GRAMD1C: variants seen among roughly 807,000 people sequenced by gnomAD.
GRAMD1C encodes GRAM domain containing 1C.
Under a neutral mutation model 97.8 loss-of-function variants are expected in GRAMD1C, and 89 were observed. The ratio of observed to expected loss-of-function variants is 0.91; its 90% CI spans 0.77 to 1.09. GRAMD1C has a LOEUF of 1.09. Among genes scored for constraint, GRAMD1C ranks in the 50% least tolerant of loss-of-function variants. GRAMD1C has a pLI of 0.00. For missense variants in GRAMD1C, 740 were observed against 766.4 expected (o/e 0.97, Z 0.41); for synonymous variants, 256 against 267.0 (o/e 0.96, Z 0.40).
At chr3:113,836,763 C>T (rs1250761554), upstream of GRAMD1C, among the ~76,000 whole-genome samples, 1 of 152,090 alleles carries the variant, frequency 6.6e-6, no homozygotes, top group African/African-American at 2.4e-5. Flanking sequence ...CCTGCCTCAG[C>T]CTCCCAAGTA....
At chr3:113,875,829 A>G (rs1408108780) in intron 4 of GRAMD1C, 9 of 403,840 alleles carry the variant, frequency 2.2e-5, no homozygotes, top group Admixed American at 8.2e-5. Flanking sequence ...AAGCTTGAAC[A>G]TATATCTTAA....
intron 8 of GRAMD1C, among the ~76,000 whole-genome samples, chr3:113,906,587 T>TA (rs1202511277): frequency 6.6e-6 from 1 of 152,018 alleles, no homozygotes; most frequent in African/African-American, 2.4e-5. Flanking sequence ...CAAAAAGTTT[T>TA]AAAAAAAAGT....
At chr3:113,835,030 A>G (rs1577108080), upstream of GRAMD1C, among the ~76,000 whole-genome samples, 1 of 151,692 alleles carries the variant, frequency 6.6e-6, no homozygotes. Context: ...TGGTTTTTCC[A>G]TATGTTTTTC....
Position 113,862,975 on chromosome 3 carries a change from A to C in GRAMD1C, c.175-6532A>C, listed in dbSNP as rs548836846. 1.1e-4 allele frequency among the ~76,000 whole-genome samples: 16 copies of C among 152,326 alleles called. No homozygotes were observed. In the South Asian group the frequency reaches 3.3e-3, roughly 32 times the overall value. On this transcript the variant is annotated intron_variant, in intron 2 of 17. Coordinates refer to ENST00000358160, the MANE Select transcript of GRAMD1C (RefSeq NM_017577.5). ...AGGATGTGGAGAAGTTAAAACTCTC[A>C]TACATTGCTGGTGGGAATGTAAAAT...
chr3:113,838,997 C>T (rs1004856074), intron 1 of GRAMD1C, 61 bp downstream of exon 1: 1 of 1,052,036 alleles, frequency 9.5e-7, no homozygotes, highest in Non-Finnish European at 1.2e-6. Context: ...CTTTTTCTCA[C>T]GGTGATTGCT....
intron 8 of GRAMD1C, among the ~76,000 whole-genome samples, 160 bp from the exon 9 acceptor site, chr3:113,908,798 A>G (rs1444136234): frequency 2.0e-5 from 3 of 152,220 alleles, no homozygotes; most frequent in African/African-American, 7.2e-5. Flanking sequence ...ACGGACCGAC[A>G]TTTAATAGCA....
chr3:113,926,888 G>C (rs552565356), intron 10 of GRAMD1C, among the ~76,000 whole-genome samples: 1 of 152,246 alleles, frequency 6.6e-6, no homozygotes, highest in East Asian at 1.9e-4. Flanking sequence ...GAAATATGTT[G>C]CACTGGAGGG....
At chr3:113,892,751 A>G (rs1935787195) in intron 6 of GRAMD1C, among the ~76,000 whole-genome samples, 2 of 152,118 alleles carry the variant, frequency 1.3e-5, no homozygotes, top group Admixed American at 1.3e-4. Context: ...TTTAATACAA[A>G]CAATTGATGT....
chr3:113,930,995 C>T (rs28736460), intron 11 of GRAMD1C, among the ~76,000 whole-genome samples, 163 bp downstream of exon 11: 12,074 of 152,210 alleles, frequency 0.079, 625 homozygotes, highest in Middle Eastern at 0.18. Flanking sequence ...GCATATGAAT[C>T]GTATCAACCC....
intron 3 of GRAMD1C, among the ~76,000 whole-genome samples, chr3:113,869,889 T>G (rs1160150520): frequency 6.6e-6 from 1 of 152,156 alleles, no homozygotes; most frequent in East Asian, 1.9e-4. Context: ...GAAATTGTGG[T>G]ACATAAATGC....
chr3:113,865,902 T>A (rs1934566266), intron 2 of GRAMD1C, among the ~76,000 whole-genome samples: 1 of 152,166 alleles, frequency 6.6e-6, no homozygotes, highest in Admixed American at 6.5e-5. Context: ...CTCCAGTCCT[T>A]GTGTTGTTGA....
At position 113,912,485 on chromosome 3, in the gene GRAMD1C, C is replaced by T. The variant is rs534585934; in HGVS notation, c.953-3216C>T. ...TTGGTTGAGCACGGTGGCTCATGCC[C>T]GTAATCCCAGTACTTGGAGAGGCCA... On this transcript the variant is annotated intron_variant, in intron 9 of 17. Transcript: ENST00000358160. Among the ~76,000 whole-genome samples the T allele has an allele frequency of 4.4e-4, 67 of 152,110 alleles. No individual in the cohort carries two copies. In the South Asian group the frequency reaches 0.012, roughly 27 times the overall value.
chr3:113,872,399 T>C (rs1032491822), intron 3 of GRAMD1C, among the ~76,000 whole-genome samples: 6 of 137,428 alleles, frequency 4.4e-5, no homozygotes, highest in African/African-American at 1.5e-4. Flanking sequence ...TTCTTTTTTT[T>C]TTTTTTTTTT....
intron 1 of GRAMD1C, among the ~76,000 whole-genome samples, chr3:113,832,106 G>A (rs112999678): frequency 0.013 from 1,928 of 151,498 alleles, 42 homozygotes; most frequent in African/African-American, 0.042. Flanking sequence ...GTGTGATCTC[G>A]ATTCATTGCA....
At chr3:113,940,165 C>A in intron 16 of GRAMD1C, 75 bp from the exon 17 acceptor site, 2 of 976,174 alleles carry the variant, frequency 2.0e-6, no homozygotes, top group Non-Finnish European at 3.3e-6. Context: ...ATTTATGGGG[C>A]TCTGATGATT....
chr3:113,862,587 A>G (rs1208638617), intron 2 of GRAMD1C, among the ~76,000 whole-genome samples: 1 of 152,136 alleles, frequency 6.6e-6, no homozygotes, highest in Non-Finnish European at 1.5e-5. Context: ...AGTTAACGCA[A>G]TCATCACAGG....
chr3:113,912,506 G>A (rs530413389), intron 9 of GRAMD1C, among the ~76,000 whole-genome samples: 31 of 152,296 alleles, frequency 2.0e-4, no homozygotes, highest in African/African-American at 6.5e-4. Context: ...TACTTGGAGA[G>A]GCCAAGGTGG....
intron 12 of GRAMD1C, among the ~76,000 whole-genome samples, chr3:113,933,961 G>A (rs1160291016): frequency 6.6e-6 from 1 of 152,188 alleles, no homozygotes; most frequent in Non-Finnish European, 1.5e-5. Context: ...TGGCAAAGGG[G>A]CTGGGAGTTT....
chr3:113,898,517 G>A (rs749019952), intron 6 of GRAMD1C, among the ~76,000 whole-genome samples: 6 of 152,072 alleles, frequency 3.9e-5, no homozygotes, highest in South Asian at 2.1e-4. Flanking sequence ...GAAAATAAAC[G>A]TGTATGTTCC....
Sources: allele counts gnomAD v4.1 joint callset (sites outside exome capture counted in the v4.1 genomes callset), GRCh38; gene constraint gnomAD v4.1.1; transcripts MANE v1.5; gene names NCBI Gene and HGNC (gene_info 2026-07-23, HGNC 2026-07-21).